SPTLC2: variants seen among roughly 807,000 people sequenced by gnomAD.
SPTLC2 encodes the protein serine palmitoyltransferase long chain base subunit 2.
In SPTLC2, 21 loss-of-function variants were observed where a neutral mutation model predicts 62.0. The observed-to-expected ratio is 0.34, with a 90% CI of 0.24 to 0.49. The LOEUF (loss-of-function observed/expected upper bound fraction) is 0.49. Ranked by LOEUF, SPTLC2 falls within the 20% of genes least tolerant of loss-of-function variation. The pLI is 0.99. For missense variants in SPTLC2, 511 were observed against 713.0 expected (o/e 0.72, Z 3.23); for synonymous variants, 261 against 261.8 (o/e 1.00, Z 0.03).
At chr14:77,613,939 CA>C (rs1281774048) in intron 1 of SPTLC2, among the ~76,000 whole-genome samples, 4 of 152,142 alleles carry the variant, frequency 2.6e-5, no homozygotes, top group African/African-American at 9.7e-5. Context: ...GAAAAATATT[CA>C]CAGACAATAT....
At chr14:77,593,198 G>A (rs1461798798) in intron 2 of SPTLC2, among the ~76,000 whole-genome samples, 1 of 152,122 alleles carries the variant, frequency 6.6e-6, no homozygotes, top group Admixed American at 6.5e-5. Context: ...AGCTGTGGAG[G>A]CAAAATGTTA....
At position 77,562,483 on chromosome 14, in the gene SPTLC2, G is replaced by A. The variant is rs773905221; in HGVS notation, c.763C>T (p.Leu255=). The A allele has an allele frequency of 8.2e-5, 133 of 1,613,838 alleles. No homozygotes were observed. Among genetic ancestry groups the A allele is most frequent in the Non-Finnish European group, 2.2e-5 (26 of 1,179,898 alleles). The part of the protein sequence containing the change: ...NIPALVGKGC[L]ILSDELNHAS... ...TGATTCAGTTCATCACTCAGAATCA[G>A]GCAACCCTGCAACATCACAGGAACA... The change falls in exon 6 of 12, where the codon CTG becomes TTG. Residue 255 remains leucine, a synonymous_variant. Transcript: ENST00000216484.
At chr14:77,591,572 TA>T (rs1231807478) in intron 2 of SPTLC2, among the ~76,000 whole-genome samples, 1 of 152,138 alleles carries the variant, frequency 6.6e-6, no homozygotes, top group African/African-American at 2.4e-5. Context: ...TTATTCTTCT[TA>T]TTTTTTTTAG....
intron 7 of SPTLC2, 30 bp downstream of exon 7, chr14:77,557,011 A>T: frequency 6.3e-7 from 1 of 1,590,172 alleles, no homozygotes; most frequent in Non-Finnish European, 8.6e-7. Context: ...GGGCCAAGTC[A>T]CAAAGGTAAG....
chr14:77,508,879 C>T lies in SPTLC2; in HGVS notation c.*3405G>A, dbSNP rs973496227. The stretch of plus-strand genomic sequence containing the variant: ...ATATGCTATCTTCAAAGCCCAGCAC[C>T]ACCATATATTGGTTTTCTCTAGAGT... On this transcript the variant is annotated 3_prime_UTR_variant, in exon 12 of 12. Coordinates refer to ENST00000216484, the MANE Select transcript of SPTLC2 (RefSeq NM_004863.4). 1.3e-5 allele frequency: 2 copies of T among 152,178 alleles called. No individual in the cohort carries two copies. Among genetic ancestry groups the T allele is most frequent in the Non-Finnish European group, 2.9e-5 (2 of 68,040 alleles). The allele number at this position is 152,178 out of a possible 1,614,324, so 9.4% of individuals were successfully genotyped here.
intron 11 of SPTLC2, among the ~76,000 whole-genome samples, chr14:77,515,582 C>T (rs1043001286): frequency 1.4e-5 from 2 of 139,004 alleles, no homozygotes; most frequent in Non-Finnish European, 3.0e-5. Context: ...CAGAGTCTCG[C>T]ACTGTCGCCC....
chr14:77,528,372 C>T (rs1236792398), intron 9 of SPTLC2, among the ~76,000 whole-genome samples: 1 of 152,146 alleles, frequency 6.6e-6, no homozygotes, highest in Non-Finnish European at 1.5e-5. Context: ...GCTGGGATTA[C>T]AGGCATGTGC....
At chr14:77,562,901 G>A (rs147401309) in intron 5 of SPTLC2, among the ~76,000 whole-genome samples, 53 of 152,254 alleles carry the variant, frequency 3.5e-4, no homozygotes, top group African/African-American at 1.3e-3. Flanking sequence ...TGTGGAAATG[G>A]TGCATTCTCT....
At chr14:77,552,363 C>A in intron 8 of SPTLC2, 141 bp from the exon 9 acceptor site, 1 of 1,038,474 alleles carries the variant, frequency 9.6e-7, no homozygotes, top group Non-Finnish European at 1.4e-6. Context: ...CAAGGTCAAC[C>A]AACATGGTCG....
At chr14:77,558,090 C>G (rs909347301) in intron 6 of SPTLC2, among the ~76,000 whole-genome samples, 4 of 150,764 alleles carry the variant, frequency 2.7e-5, no homozygotes, top group Admixed American at 6.6e-5. Flanking sequence ...CTCTGTCATC[C>G]AAGCTGGAGT....
At chr14:77,538,583 T>TG (rs1420888151) in intron 9 of SPTLC2, among the ~76,000 whole-genome samples, 1 of 152,188 alleles carries the variant, frequency 6.6e-6, no homozygotes, top group Non-Finnish European at 1.5e-5. Flanking sequence ...TATAAACTTT[T>TG]TTTTTGAGAC....
At chr14:77,555,661 G>T in intron 7 of SPTLC2, 142 bp from the exon 8 acceptor site, 1 of 847,958 alleles carries the variant, frequency 1.2e-6, no homozygotes, top group Non-Finnish European at 1.9e-6. Context: ...CATTGTCCAG[G>T]CTGAAGTGCA....
chr14:77,520,374 C>T (rs985281797), intron 10 of SPTLC2, among the ~76,000 whole-genome samples: 1 of 152,182 alleles, frequency 6.6e-6, no homozygotes, highest in Non-Finnish European at 1.5e-5. Context: ...TCCAGGTTCC[C>T]TGATTTAATT....
rs2079326085 is a variant in SPTLC2 at position 77,510,358 on chromosome 14, C to T, written c.*1926G>A. On this transcript the variant is annotated 3_prime_UTR_variant, in exon 12 of 12. Transcript: ENST00000216484. ...TCACAAACAATAATATTGCTTACAT[C>T]CTCTGCTATACGTAATGTGCACAAA... 6.2e-6 allele frequency: 1 copy of T among 160,766 alleles called. No homozygotes were observed. Among genetic ancestry groups the T allele is most frequent in the African/African-American group, 2.4e-5 (1 of 41,886 alleles). The allele number at this position is 160,766 out of a possible 1,614,324, so 10.0% of individuals were successfully genotyped here.
At chr14:77,523,254 T>C (rs189829816) in intron 9 of SPTLC2, among the ~76,000 whole-genome samples, 6 of 152,274 alleles carry the variant, frequency 3.9e-5, no homozygotes, top group East Asian at 1.9e-4. Flanking sequence ...CTGTAAACAA[T>C]AGGAAACTGG....
chr14:77,599,471 T>G (rs2079865816), intron 1 of SPTLC2, among the ~76,000 whole-genome samples: 1 of 152,216 alleles, frequency 6.6e-6, no homozygotes, highest in Non-Finnish European at 1.5e-5. Flanking sequence ...ATCCCCGTAA[T>G]GTTAGTTTTG....
chr14:77,611,028 T>C (rs1595021727), intron 1 of SPTLC2, among the ~76,000 whole-genome samples: 1 of 134,896 alleles, frequency 7.4e-6, no homozygotes, highest in Admixed American at 7.6e-5. Context: ...GCATGGTGGC[T>C]CAAGCCTGTA....
intron 5 of SPTLC2, among the ~76,000 whole-genome samples, chr14:77,569,072 A>T (rs1263641315): frequency 6.6e-6 from 1 of 151,952 alleles, no homozygotes; most frequent in Non-Finnish European, 1.5e-5. Flanking sequence ...TACACATTTA[A>T]AATTATAACC....
intron 6 of SPTLC2, among the ~76,000 whole-genome samples, chr14:77,558,987 A>ATG (rs1290993140): frequency 6.6e-6 from 1 of 152,038 alleles, no homozygotes; most frequent in Non-Finnish European, 1.5e-5. Flanking sequence ...GTTTATATAT[A>ATG]GAAGGAGGAG....
Sources: gnomAD v4.1 joint callset for allele counts (sites outside exome capture counted in the v4.1 genomes callset) on GRCh38, gnomAD v4.1.1 for gene constraint, MANE v1.5 for transcripts, NCBI Gene and HGNC (gene_info 2026-07-23, HGNC 2026-07-21) for gene names.